Variants in BRINP2 observed in about 807,000 individuals in gnomAD.
BRINP2 encodes BMP/retinoic acid-inducible neural-specific protein 2.
Under a neutral mutation model 69.2 loss-of-function variants are expected in BRINP2, and 21 were observed. The ratio of observed to expected loss-of-function variants is 0.30; its 90% CI spans 0.22 to 0.44. The LOEUF is 0.44. BRINP2 is among the 20% of genes least tolerant of loss of function. The pLI, the probability that BRINP2 is intolerant of heterozygous loss-of-function variation, is 1.00. For synonymous variants in BRINP2, 380 were observed against 394.1 expected, an observed-to-expected ratio of 0.96 and a Z score of 0.42; for missense variants, 877 against 986.0, an observed-to-expected ratio of 0.89 and a Z score of 1.48.
intron 1 of BRINP2, among the ~76,000 whole-genome samples, chr1:177,175,641 C>T (rs1648067821): frequency 6.6e-6 from 1 of 152,324 alleles, no homozygotes; most frequent in South Asian, 2.1e-4. Flanking sequence ...AGTGGAATGG[C>T]TTACCTAAAG....
intron 1 of BRINP2, among the ~76,000 whole-genome samples, chr1:177,173,081 C>T (rs1014410480): frequency 6.6e-6 from 1 of 152,158 alleles, no homozygotes; most frequent in Non-Finnish European, 1.5e-5. Context: ...CAAAGTGATG[C>T]TGGAGTTTGT....
chr1:177,218,958 C>T (rs1649449931), intron 1 of BRINP2, among the ~76,000 whole-genome samples: 1 of 152,126 alleles, frequency 6.6e-6, no homozygotes, highest in Non-Finnish European at 1.5e-5. Context: ...CTATTCTTGC[C>T]ACTATCTAAT....
At chr1:177,207,717 C>A (rs1282672961) in intron 1 of BRINP2, among the ~76,000 whole-genome samples, 1 of 152,124 alleles carries the variant, frequency 6.6e-6, no homozygotes, top group African/African-American at 2.4e-5. Context: ...TGGAATATTT[C>A]TCTGGCTACA....
chr1:177,199,677 T>C (rs1246213274), intron 1 of BRINP2, among the ~76,000 whole-genome samples: 1 of 152,142 alleles, frequency 6.6e-6, no homozygotes, highest in Non-Finnish European at 1.5e-5. Flanking sequence ...AAAATTTTAT[T>C]TAGGTTGAGA....
In BRINP2 at chr1:177,229,933, G is replaced by A. The variant is rs1649813748; in HGVS notation, c.57G>A (p.Trp19Ter). The change falls in exon 2 of 8, where the codon TGG (tryptophan) becomes TGA (stop). Residue 19 changes from tryptophan (W) to a stop codon, truncating the protein, a stop_gained. Coordinates refer to ENST00000361539, the MANE Select transcript of BRINP2 (RefSeq NM_021165.4). LOFTEE classifies it high-confidence loss of function. Reference protein sequence around the residue: ...FRGLRPAVAPWTALLALGLPG... With the variant: ...FRGLRPAVAP ...GGCTTCGGCCGGCGGTGGCCCCATG[G>A]ACAGCCCTGCTGGCACTGGGCCTGC... is the stretch of plus-strand genomic sequence containing the variant. 1 of 1,612,026 alleles carries A rather than the reference G, an allele frequency of 6.2e-7. No individual in the cohort carries two copies. The highest frequency in any genetic ancestry group is 8.5e-7 in the Non-Finnish European group (1 of 1,178,846).
At chr1:177,263,877 C>A (rs1571940856) in intron 4 of BRINP2, among the ~76,000 whole-genome samples, 1 of 152,294 alleles carries the variant, frequency 6.6e-6, no homozygotes, top group South Asian at 2.1e-4. Context: ...CACACACATC[C>A]TGGTTAAATC....
At chr1:177,268,719 C>T (rs1651208037) in intron 4 of BRINP2, among the ~76,000 whole-genome samples, 1 of 152,160 alleles carries the variant, frequency 6.6e-6, no homozygotes, top group Non-Finnish European at 1.5e-5. Context: ...GACACTAGGT[C>T]TTAGAGCAGC....
chr1:177,278,906 C>T, intron 7 of BRINP2, 121 bp downstream of exon 7: 1 of 921,050 alleles, frequency 1.1e-6, no homozygotes, highest in Non-Finnish European at 1.7e-6. Context: ...CATAGCCTTC[C>T]AGTTATCTTG....
At chr1:177,277,192 CTAT>C (rs1207633749) in intron 6 of BRINP2, among the ~76,000 whole-genome samples, 1 of 151,132 alleles carries the variant, frequency 6.6e-6, no homozygotes, top group Non-Finnish European at 1.5e-5. Flanking sequence ...TCATATAATA[CTAT>C]AATTTATTAA....
At chr1:177,185,487 A>G (rs989395514) in intron 1 of BRINP2, among the ~76,000 whole-genome samples, 1 of 152,216 alleles carries the variant, frequency 6.6e-6, no homozygotes, top group Non-Finnish European at 1.5e-5. Flanking sequence ...GAGAGAATGA[A>G]CAAAGTGCAT....
chr1:177,173,251 T>A (rs762267272), intron 1 of BRINP2, among the ~76,000 whole-genome samples: 2 of 152,218 alleles, frequency 1.3e-5, no homozygotes, highest in African/African-American at 2.4e-5. Flanking sequence ...TCAGAGCTGC[T>A]GCCTACTCTA....
At chr1:177,234,400 C>T (rs1269781177) in intron 2 of BRINP2, among the ~76,000 whole-genome samples, 5 of 152,214 alleles carry the variant, frequency 3.3e-5, no homozygotes, top group African/African-American at 1.2e-4. Flanking sequence ...TACTCAGGCA[C>T]CTAAATTGAG....
At chr1:177,208,685 G>T (rs1649131402) in intron 1 of BRINP2, among the ~76,000 whole-genome samples, 1 of 151,914 alleles carries the variant, frequency 6.6e-6, no homozygotes, top group Admixed American at 6.6e-5. Flanking sequence ...TTAATGAACA[G>T]GTAAGATTTG....
intron 1 of BRINP2, among the ~76,000 whole-genome samples, chr1:177,227,052 A>G (rs1181143338): frequency 6.6e-6 from 1 of 152,166 alleles, no homozygotes; most frequent in Non-Finnish European, 1.5e-5. Context: ...TGGACTTTCA[A>G]TGCACTCTGC....
At chr1:177,248,046 C>A (rs549731526) in intron 2 of BRINP2, among the ~76,000 whole-genome samples, 3 of 152,064 alleles carry the variant, frequency 2.0e-5, no homozygotes, top group East Asian at 3.9e-4. Flanking sequence ...GGAAATGGGC[C>A]GGAACATGCT....
chr1:177,260,222 T>C (rs1316091703), intron 4 of BRINP2, among the ~76,000 whole-genome samples: 1 of 152,096 alleles, frequency 6.6e-6, no homozygotes, highest in East Asian at 1.9e-4. Flanking sequence ...GTAGTGGAAA[T>C]AGGAAGAGAA....
intron 1 of BRINP2, among the ~76,000 whole-genome samples, chr1:177,200,218 G>A (rs1346917492): frequency 2.2e-5 from 3 of 137,530 alleles, no homozygotes; most frequent in African/African-American, 9.0e-5. Flanking sequence ...CTTGAACCCA[G>A]GAGGCAGAGG....
chr1:177,180,955 CTA>C (rs1648227686), intron 1 of BRINP2, among the ~76,000 whole-genome samples: 1 of 152,190 alleles, frequency 6.6e-6, no homozygotes, highest in Non-Finnish European at 1.5e-5. Flanking sequence ...AGTTCAATGT[CTA>C]TGAATGAGCG....
In BRINP2 at chr1:177,281,308, G is replaced by A; in HGVS notation, c.2132G>A (p.Gly711Asp). 1 of 1,614,126 alleles carries A rather than the reference G, an allele frequency of 6.2e-7. No individual in the cohort carries two copies. The highest frequency in any genetic ancestry group is 2.2e-5 in the East Asian group (1 of 44,860). Residue 711 changes from glycine (G) to aspartate (D), a missense_variant, in exon 8 of 8, where the codon GGT (glycine) becomes GAT (aspartate). Physicochemically the swap from Gly to Asp is moderately conservative, Grantham distance 94. Around this residue, in one of 3 missense-constraint regions of BRINP2, gnomAD observed 225 missense variants for 218.7 expected, o/e 1.03. Transcript: ENST00000361539. ...CAGTTGGACTACCCATATACTCAAG[G>A]TTCCCAGGACTCTGCACTCTTGCAG... ...ILQLDYPYTQ[G>D]SQDSALLQLI...
Sources: gnomAD v4.1 joint callset for allele counts (sites outside exome capture counted in the v4.1 genomes callset) on GRCh38, gnomAD v4.1.1 for gene constraint, gnomAD v4.1.1 regional missense constraint, MANE v1.5 for transcripts, NCBI Gene and HGNC (gene_info 2026-07-23, HGNC 2026-07-21) for gene names.